The following TFB2M variants were observed in gnomAD, a reference collection of about 807,000 sequenced individuals.
TFB2M encodes transcription factor B2, mitochondrial.
TFB2M carries 44 observed loss-of-function variants against 41.3 expected under a neutral mutation model. The observed-to-expected ratio is 1.07, with a 90% CI of 0.84 to 1.37. The LOEUF (loss-of-function observed/expected upper bound fraction) is 1.37. Ranked by LOEUF, TFB2M falls within the 40% of genes most tolerant of loss-of-function variation. The pLI is 0.00. For synonymous variants in TFB2M, 188 were observed against 176.8 expected, an observed-to-expected ratio of 1.06 and a Z score of -0.50; for missense variants, 496 against 490.2, an observed-to-expected ratio of 1.01 and a Z score of -0.11.
At position 246,550,932 on chromosome 1, in the gene TFB2M, G is replaced by A. The variant is rs140215818; in HGVS notation, c.795+281C>T. Reference sequence around the variant, plus strand: ...GAGCCAGGTGCAGTGGGTCATGCCTGTAATCCCAGTGATCTGGGAGGCTAA... The same window carrying A: ...GAGCCAGGTGCAGTGGGTCATGCCTATAATCCCAGTGATCTGGGAGGCTAA... On this transcript the variant is annotated intron_variant, in intron 5 of 7. Coordinates refer to ENST00000366514, the MANE Select transcript of TFB2M (RefSeq NM_022366.3). 5.7e-3 allele frequency among the ~76,000 whole-genome samples: 875 copies of A among 152,340 alleles called. 12 individuals are homozygous for A. Among genetic ancestry groups the A allele is most frequent in the African/African-American group, 0.02 (826 of 41,580 alleles).
At chr1:246,547,463 A>G (rs1659055165) in intron 6 of TFB2M, among the ~76,000 whole-genome samples, 1 of 152,236 alleles carries the variant, frequency 6.6e-6, no homozygotes, top group African/African-American at 2.4e-5. Context: ...TTGGGACTAC[A>G]TAAATATGCT....
chr1:246,564,837 G>T (rs1572094591), intron 1 of TFB2M, among the ~76,000 whole-genome samples: 1 of 151,958 alleles, frequency 6.6e-6, no homozygotes, highest in East Asian at 1.9e-4. Flanking sequence ...CCGCCACCAC[G>T]CCCGGCTAAT....
At chr1:246,549,272 T>C (rs1361250400) in intron 5 of TFB2M, among the ~76,000 whole-genome samples, 1 of 151,570 alleles carries the variant, frequency 6.6e-6, no homozygotes, top group Non-Finnish European at 1.5e-5. Flanking sequence ...GAGAATTTTG[T>C]GCATAAGGCA....
At chr1:246,555,256 T>A (rs568562782) in intron 4 of TFB2M, among the ~76,000 whole-genome samples, 1 of 152,270 alleles carries the variant, frequency 6.6e-6, no homozygotes, top group African/African-American at 2.4e-5. Flanking sequence ...AAATGGTGCA[T>A]CCACGACGGA....
At chr1:246,546,393 C>T (rs547657315) in intron 6 of TFB2M, among the ~76,000 whole-genome samples, 5 of 152,042 alleles carry the variant, frequency 3.3e-5, no homozygotes, top group South Asian at 4.2e-4. Flanking sequence ...GTAGGCGGAT[C>T]ACCTGAGGTC....
At position 246,548,740 on chromosome 1, in the gene TFB2M, G is replaced by A. The variant is rs185011428; in HGVS notation, c.796-133C>T. On this transcript the variant is annotated intron_variant, in intron 5 of 7. Coordinates refer to ENST00000366514, the MANE Select transcript of TFB2M (RefSeq NM_022366.3). Reference sequence around the variant, plus strand: ...GTCTAATTGGATTTAAAAGAAACATGTTATAGCTAAATAATACACATCTCT... The same window carrying A: ...GTCTAATTGGATTTAAAAGAAACATATTATAGCTAAATAATACACATCTCT... 8.8e-6 allele frequency: 6 copies of A among 684,418 alleles called. No homozygotes were observed. In the East Asian group the frequency reaches 1.1e-4, roughly 13 times the overall value. The allele number at this position is 684,418 out of a possible 1,614,324, so 42.4% of individuals were successfully genotyped here.
chr1:246,559,054 T>C lies in TFB2M; in HGVS notation c.403-1520A>G, dbSNP rs552198835. On this transcript the variant is annotated intron_variant, in intron 2 of 7. Coordinates refer to ENST00000366514, the MANE Select transcript of TFB2M (RefSeq NM_022366.3). Reference sequence around the variant, plus strand: ...TTAAAGTTATTAATGCAAACACCTATTTTTTCTTAAGCATTTGTATTCAAC... The same window carrying C: ...TTAAAGTTATTAATGCAAACACCTACTTTTTCTTAAGCATTTGTATTCAAC... Among the ~76,000 whole-genome samples, 8 of 152,296 alleles carry C rather than the reference T, an allele frequency of 5.3e-5. 1 individual carries two copies. The South Asian group carries it at 1.7e-3, about 32-fold the overall frequency.
At chr1:246,564,459 T>C (rs1659539935) in intron 1 of TFB2M, 25 bp from the exon 2 acceptor site, 3 of 1,599,462 alleles carry the variant, frequency 1.9e-6, no homozygotes, top group Non-Finnish European at 2.6e-6. Context: ...GAACGAAAAG[T>C]TTATTTGTAC....
intron 1 of TFB2M, among the ~76,000 whole-genome samples, chr1:246,564,909 AC>A (rs2102992194): frequency 6.6e-6 from 1 of 152,282 alleles, no homozygotes; most frequent in East Asian, 1.9e-4. Flanking sequence ...GGAACTCCTG[AC>A]CTCAAGGGAA....
At chr1:246,550,557 A>C (rs186719665) in intron 5 of TFB2M, among the ~76,000 whole-genome samples, 2 of 152,312 alleles carry the variant, frequency 1.3e-5, no homozygotes, top group East Asian at 3.9e-4. Flanking sequence ...CAGTGACGAG[A>C]ACACGTGAAG....
chr1:246,544,735 A>T, intron 6 of TFB2M, 54 bp from the exon 7 acceptor site: 2 of 1,476,262 alleles, frequency 1.4e-6, no homozygotes, highest in Non-Finnish European at 1.8e-6. Context: ...CCAGAGTAAG[A>T]CATTGCTCAC....
chr1:246,550,488 T>C (rs1422990110), intron 5 of TFB2M, among the ~76,000 whole-genome samples: 4 of 138,080 alleles, frequency 2.9e-5, no homozygotes, highest in Non-Finnish European at 6.3e-5. Flanking sequence ...ATTCCTGAGC[T>C]TAAAAAAAAA....
intron 2 of TFB2M, among the ~76,000 whole-genome samples, chr1:246,563,126 C>T (rs773896875): frequency 1.3e-4 from 20 of 151,960 alleles, no homozygotes; most frequent in Admixed American, 2.6e-4. Context: ...GAAAGCCTGC[C>T]GCTGTGTGTT....
chr1:246,556,575 G>A lies in TFB2M; in HGVS notation c.703C>T (p.Gln235Ter), dbSNP rs1200168973. 6.7e-7 allele frequency: 1 copy of A among 1,491,090 alleles called. No homozygotes were observed. Among genetic ancestry groups the A allele is most frequent in the Admixed American group, 2.4e-5 (1 of 41,418 alleles). The allele number at this position is 1,491,090 out of a possible 1,614,324, so 92.4% of individuals were successfully genotyped here. A position where few individuals can be genotyped will look rare whatever the true frequency, so the allele number is the denominator to read the frequency against. The change falls in exon 4 of 8, where the codon CAG becomes TAG. Residue 235 changes from glutamine (Q) to a stop codon, truncating the protein, a stop_gained and splice_region_variant. Transcript: ENST00000366514. LOFTEE classifies it high-confidence loss of function. ...VNMFIGEKEF[Q>*]KLMADPGNPD... ...ATAGGTATTTGTTAATAACATACCTGGAATTCTTTTTCACCAATAAACATA... is the reference window on the plus strand; with the variant it reads ...ATAGGTATTTGTTAATAACATACCTAGAATTCTTTTTCACCAATAAACATA...
chr1:246,542,691 T>C (rs899339290), intron 7 of TFB2M, among the ~76,000 whole-genome samples: 9 of 152,264 alleles, frequency 5.9e-5, no homozygotes, highest in Admixed American at 5.2e-4. Flanking sequence ...CCAATACTTT[T>C]TGATATTGAA....
At position 246,540,917 on chromosome 1, in the gene TFB2M, G is replaced by T; in HGVS notation, c.*114C>A. ...TTAGGAGAAATGATCTGCCTGGCTT[G>T]TGCAAGACAAGAACAGTTACCTTCT... On this transcript the variant is annotated 3_prime_UTR_variant, in exon 8 of 8. Transcript: ENST00000366514. The T allele has an allele frequency of 9.9e-7, 1 of 1,007,358 alleles. No homozygotes were observed. Among genetic ancestry groups the T allele is most frequent in the Non-Finnish European group, 1.4e-6 (1 of 690,710 alleles). The allele number at this position is 1,007,358 out of a possible 1,614,324, so 62.4% of individuals were successfully genotyped here. A position where few individuals can be genotyped will look rare whatever the true frequency, so the allele number is the denominator to read the frequency against.
chr1:246,554,736 G>A lies in TFB2M; in HGVS notation c.705+1837C>T, dbSNP rs149506097. 7.7e-3 allele frequency among the ~76,000 whole-genome samples: 1,178 copies of A among 152,182 alleles called. 12 individuals are homozygous for A. Among genetic ancestry groups the A allele is most frequent in the Non-Finnish European group, 0.011 (777 of 68,010 alleles). ...GAATCATCCTGAAACCATCCCCGCC[G>A]CCATCCACGTAAAAACTGTCTTCCA... is the stretch of plus-strand genomic sequence containing the variant. On this transcript the variant is annotated intron_variant, in intron 4 of 7. Transcript: ENST00000366514.
chr1:246,554,412 C>T (rs1383664173), intron 4 of TFB2M, among the ~76,000 whole-genome samples: 6 of 152,142 alleles, frequency 3.9e-5, no homozygotes, highest in Non-Finnish European at 7.3e-5. Flanking sequence ...CGCTCCCCAC[C>T]GTTCACATCA....
intron 2 of TFB2M, among the ~76,000 whole-genome samples, chr1:246,560,182 G>T (rs1440334718): frequency 6.6e-6 from 1 of 152,070 alleles, no homozygotes; most frequent in Admixed American, 6.6e-5. Flanking sequence ...GGTGGCCTAG[G>T]CAAACCAAAA....
Sources: gnomAD v4.1 joint callset for allele counts (sites outside exome capture counted in the v4.1 genomes callset) on GRCh38, gnomAD v4.1.1 for gene constraint, MANE v1.5 for transcripts, NCBI Gene and HGNC (gene_info 2026-07-23, HGNC 2026-07-21) for gene names.